TMEM135: variants seen among roughly 807,000 people sequenced by gnomAD.
The protein encoded by TMEM135 is transmembrane protein 135.
In TMEM135, 30 loss-of-function variants were observed where a neutral mutation model predicts 60.3. The ratio of observed to expected loss-of-function variants is 0.50; its 90% CI spans 0.37 to 0.68. The LOEUF is 0.68. TMEM135 is among the 30% of genes least tolerant of loss of function. TMEM135 has a pLI of 0.00. For missense variants in TMEM135, 468 were observed against 548.8 expected, an observed-to-expected ratio of 0.85 and a Z score of 1.47; for synonymous variants, 190 against 186.7, an observed-to-expected ratio of 1.02 and a Z score of -0.14.
chr11:87,093,795 G>A (rs1008920895), intron 4 of TMEM135, among the ~76,000 whole-genome samples: 1 of 152,052 alleles, frequency 6.6e-6, no homozygotes, highest in Admixed American at 6.6e-5. Context: ...GCCTCCCAAA[G>A]TGCTGTTATT....
rs777529034 is a variant in TMEM135, at chr11:87,324,744, T to C, written c.*3411T>C. 1.8e-5 allele frequency: 8 copies of C among 453,850 alleles called. No individual in the cohort carries two copies. The highest frequency in any genetic ancestry group is 1.6e-4 in the African/African-American group (8 of 49,960). 28.1% of individuals were successfully genotyped at this position (453,850 alleles called of 1,614,324 possible). ...CGGTACCTAGCCATATTTTTATTTG[T>C]ATGAGTATTAAGTAGTTTGACACAG... On this transcript the variant is annotated 3_prime_UTR_variant, in exon 15 of 15. Transcript: ENST00000305494.
chr11:87,041,790 C>G (rs2512375), intron 1 of TMEM135, among the ~76,000 whole-genome samples: 72,961 of 152,026 alleles, frequency 0.48, 18,883 homozygotes, highest in African/African-American at 0.67. Context: ...GGAGTGAAGA[C>G]ATATTTGGCA....
rs1565176024 is a variant in TMEM135, at chr11:87,327,725, C to T, written c.*6392C>T. 6 of 454,028 alleles carry T rather than the reference C, an allele frequency of 1.3e-5. No homozygotes were observed. The highest frequency in any genetic ancestry group is 1.8e-5 in the Non-Finnish European group (4 of 226,782). The allele number at this position is 454,028 out of a possible 1,614,324, so 28.1% of individuals were successfully genotyped here. On this transcript the variant is annotated 3_prime_UTR_variant, in exon 15 of 15. Transcript: ENST00000305494. ...AACCAGGGAAACTGATGGTGTAATT[C>T]TCAGTCCAAGGCTGAATTTTCAAGT...
intron 4 of TMEM135, among the ~76,000 whole-genome samples, chr11:87,120,115 TC>T (rs71465946): frequency 0.12 from 16,841 of 143,830 alleles, 1,157 homozygotes; most frequent in Middle Eastern, 0.14. Flanking sequence ...TTCTTCTTCT[TC>T]TTTTTTTTTT....
At chr11:87,188,818 A>G (rs1186589705) in intron 5 of TMEM135, among the ~76,000 whole-genome samples, 1 of 152,036 alleles carries the variant, frequency 6.6e-6, no homozygotes, top group African/African-American at 2.4e-5. Flanking sequence ...ACTCTTTTCT[A>G]TTCTTGCCTT....
intron 4 of TMEM135, among the ~76,000 whole-genome samples, chr11:87,133,865 T>G (rs1938009942): frequency 6.6e-6 from 1 of 152,198 alleles, no homozygotes; most frequent in South Asian, 2.1e-4. Context: ...TGTGTAACAA[T>G]GGTTCATTTT....
chr11:87,114,134 C>T (rs2135203127), intron 4 of TMEM135, among the ~76,000 whole-genome samples: 1 of 152,072 alleles, frequency 6.6e-6, no homozygotes, highest in African/African-American at 2.4e-5. Flanking sequence ...GTTTACCTCT[C>T]ATCTAGTCTC....
chr11:87,280,027 T>A (rs1026020349), intron 6 of TMEM135, among the ~76,000 whole-genome samples: 15 of 152,380 alleles, frequency 9.8e-5, no homozygotes, highest in Middle Eastern at 3.4e-3. Context: ...TATGTAGGCA[T>A]CTTTACTTAG....
At chr11:87,255,025 G>A (rs1941495153) in intron 6 of TMEM135, among the ~76,000 whole-genome samples, 1 of 152,110 alleles carries the variant, frequency 6.6e-6, no homozygotes, top group South Asian at 2.1e-4. Context: ...AAATTGAGGA[G>A]CCAAAGGATT....
intron 4 of TMEM135, among the ~76,000 whole-genome samples, chr11:87,127,229 G>A (rs978679874): frequency 2.0e-5 from 3 of 152,166 alleles, no homozygotes; most frequent in African/African-American, 7.2e-5. Flanking sequence ...TTAGCATTGT[G>A]TTCAATTAGT....
chr11:87,273,031 T>C (rs1411342178), intron 6 of TMEM135, among the ~76,000 whole-genome samples: 5 of 152,126 alleles, frequency 3.3e-5, no homozygotes, highest in African/African-American at 1.2e-4. Context: ...AATTATCCTG[T>C]CTTTCTTCCA....
chr11:87,260,367 A>G (rs1424977421), intron 6 of TMEM135, among the ~76,000 whole-genome samples: 1 of 152,174 alleles, frequency 6.6e-6, no homozygotes, highest in African/African-American at 2.4e-5. Context: ...TTCTTATGAA[A>G]GATAAGGCTT....
chr11:87,217,565 C>G (rs1296614047), intron 5 of TMEM135, among the ~76,000 whole-genome samples: 1 of 152,096 alleles, frequency 6.6e-6, no homozygotes, highest in Admixed American at 6.5e-5. Flanking sequence ...GTGGGCAGAT[C>G]ACCTGAGGAT....
intron 4 of TMEM135, chr11:87,096,384 C>T (rs1311594486): frequency 2.5e-5 from 3 of 121,246 alleles, no homozygotes; most frequent in East Asian, 5.8e-4. Flanking sequence ...TACCTTCCTT[C>T]GACAGTCCTG....
chr11:87,266,958 C>T (rs1941761076), intron 6 of TMEM135, among the ~76,000 whole-genome samples: 1 of 151,812 alleles, frequency 6.6e-6, no homozygotes, highest in African/African-American at 2.4e-5. Flanking sequence ...AGTTTCATCT[C>T]CGGTTGGAGT....
At chr11:87,226,182 C>T (rs1940761185) in intron 5 of TMEM135, among the ~76,000 whole-genome samples, 1 of 152,080 alleles carries the variant, frequency 6.6e-6, no homozygotes, top group African/African-American at 2.4e-5. Context: ...AATTGTAAAC[C>T]TAAATCATTA....
At chr11:87,291,162 A>T (rs1220164137) in intron 6 of TMEM135, among the ~76,000 whole-genome samples, 1 of 152,222 alleles carries the variant, frequency 6.6e-6, no homozygotes, top group Non-Finnish European at 1.5e-5. Flanking sequence ...AGACTTGTAC[A>T]GCCAGTTACT....
intron 4 of TMEM135, among the ~76,000 whole-genome samples, chr11:87,128,088 A>G (rs774889489): frequency 1.4e-4 from 21 of 152,180 alleles, no homozygotes; most frequent in Admixed American, 3.9e-4. Flanking sequence ...AAGTGGTTAC[A>G]CGGATAATAG....
intron 5 of TMEM135, among the ~76,000 whole-genome samples, chr11:87,236,255 A>G (rs539285718): frequency 6.6e-6 from 1 of 152,040 alleles, no homozygotes; most frequent in African/African-American, 2.4e-5. Context: ...AATATGGGCT[A>G]TATTAGGGGT....
Sources: allele counts gnomAD v4.1 joint callset (sites outside exome capture counted in the v4.1 genomes callset), GRCh38; gene constraint gnomAD v4.1.1; transcripts MANE v1.5; gene names NCBI Gene and HGNC (gene_info 2026-07-23, HGNC 2026-07-21).